Variants in EPHA4 observed in about 807,000 individuals in gnomAD.
EPHA4 encodes EPH receptor A4.
A neutral mutation model predicts 108.3 loss-of-function variants in EPHA4; 19 were observed. The ratio of observed to expected loss-of-function variants is 0.18; its 90% CI spans 0.12 to 0.26. The LOEUF (loss-of-function observed/expected upper bound fraction) is 0.26, where lower values mean the gene tolerates loss of function less well. EPHA4 is among the 10% of genes least tolerant of loss of function. EPHA4 has a pLI of 1.00. For missense variants in EPHA4, 917 were observed against 1,254.0 expected, an observed-to-expected ratio of 0.73 and a Z score of 4.06; for synonymous variants, 449 against 455.5, an observed-to-expected ratio of 0.99 and a Z score of 0.18.
At chr2:221,506,591 T>C (rs1397483422) in intron 3 of EPHA4, among the ~76,000 whole-genome samples, 1 of 152,240 alleles carries the variant, frequency 6.6e-6, no homozygotes, top group Non-Finnish European at 1.5e-5. Flanking sequence ...ATTGGAACTG[T>C]TATTGGACCC....
chr2:221,472,409 C>T (rs934835122), intron 5 of EPHA4, among the ~76,000 whole-genome samples: 33 of 152,030 alleles, frequency 2.2e-4, no homozygotes, highest in African/African-American at 8.0e-4. Flanking sequence ...AAGCTACCCC[C>T]TTTTCAGTGT....
At chr2:221,508,201 T>A (rs764076954) in intron 3 of EPHA4, among the ~76,000 whole-genome samples, 1 of 152,202 alleles carries the variant, frequency 6.6e-6, no homozygotes, top group Non-Finnish European at 1.5e-5. Context: ...AATACCCGGA[T>A]GCTAAAGGGA....
chr2:221,471,346 T>C (rs1237189418), intron 5 of EPHA4, among the ~76,000 whole-genome samples: 3 of 152,138 alleles, frequency 2.0e-5, no homozygotes, highest in African/African-American at 7.2e-5. Flanking sequence ...TCAGCATAAC[T>C]GGCTCCACCC....
At position 221,422,574 on chromosome 2, in the gene EPHA4, G is replaced by A. The variant is rs144663435; in HGVS notation, c.*820-2022C>T. Among the ~76,000 whole-genome samples, 164 of 152,294 alleles carry A rather than the reference G, an allele frequency of 1.1e-3. 1 individual carries two copies. The highest frequency in any genetic ancestry group is 6.8e-3 in the Middle Eastern group (2 of 294). ...ATTGGACATTTGAATTGAGATGTAA[G>A]GGAATGTGAAGACTTGTATCTACTT... On this transcript the variant is annotated intron_variant, in intron 17 of 17. Coordinates refer to ENST00000281821, the MANE Select transcript of EPHA4 (RefSeq NM_004438.5).
At chr2:221,440,849 C>T (rs1390753004) in intron 11 of EPHA4, among the ~76,000 whole-genome samples, 1 of 152,188 alleles carries the variant, frequency 6.6e-6, no homozygotes, top group African/African-American at 2.4e-5. Context: ...AGGTCACAAG[C>T]TTTAGAAGCA....
intron 3 of EPHA4, among the ~76,000 whole-genome samples, chr2:221,552,479 G>A (rs1021208065): frequency 1.3e-5 from 2 of 152,168 alleles, no homozygotes; most frequent in South Asian, 4.1e-4. Context: ...TGGCACCTCT[G>A]TCAAGGGCCT....
intron 3 of EPHA4, among the ~76,000 whole-genome samples, chr2:221,511,955 A>C (rs1372641217): frequency 6.6e-6 from 1 of 152,198 alleles, no homozygotes; most frequent in Admixed American, 6.5e-5. Flanking sequence ...ACAAACTAAT[A>C]CCTAGGGCTC....
intron 3 of EPHA4, among the ~76,000 whole-genome samples, chr2:221,551,725 A>G (rs1014018105): frequency 2.6e-5 from 4 of 152,160 alleles, no homozygotes; most frequent in African/African-American, 9.7e-5. Flanking sequence ...CCTATGGAGG[A>G]AAACTTCCAA....
chr2:221,499,774 T>TTG (rs1388877125), intron 4 of EPHA4, among the ~76,000 whole-genome samples: 2 of 114,236 alleles, frequency 1.8e-5, no homozygotes, highest in African/African-American at 6.9e-5. Context: ...TTTTTTTTTT[T>TTG]GAGACAGAGT....
intron 3 of EPHA4, among the ~76,000 whole-genome samples, chr2:221,539,219 T>G (rs1246035225): frequency 6.6e-6 from 1 of 152,240 alleles, no homozygotes; most frequent in Non-Finnish European, 1.5e-5. Context: ...TTCACGTATT[T>G]ACTTATGACG....
intron 5 of EPHA4, among the ~76,000 whole-genome samples, chr2:221,466,183 C>T (rs976785430): frequency 2.6e-5 from 4 of 152,240 alleles, no homozygotes; most frequent in Non-Finnish European, 5.9e-5. Flanking sequence ...TCGCAAAACA[C>T]TGAGCCAAAA....
chr2:221,491,650 G>T (rs1016168644), intron 4 of EPHA4, among the ~76,000 whole-genome samples: 3 of 152,016 alleles, frequency 2.0e-5, no homozygotes, highest in African/African-American at 4.8e-5. Flanking sequence ...GATGATGATG[G>T]CTAGCTAGTA....
At chr2:221,481,754 G>T (rs1691826923) in intron 5 of EPHA4, among the ~76,000 whole-genome samples, 1 of 152,094 alleles carries the variant, frequency 6.6e-6, no homozygotes, top group South Asian at 2.1e-4. Flanking sequence ...TTCTAGTATA[G>T]GTCCACCTAG....
At chr2:221,453,494 G>A (rs916588637) in intron 8 of EPHA4, among the ~76,000 whole-genome samples, 1 of 151,882 alleles carries the variant, frequency 6.6e-6, no homozygotes, top group Non-Finnish European at 1.5e-5. Context: ...CAAGAAAGAG[G>A]GCCATCTTGA....
intron 3 of EPHA4, among the ~76,000 whole-genome samples, chr2:221,545,289 G>C (rs1299957429): frequency 6.6e-6 from 1 of 152,054 alleles, no homozygotes; most frequent in Non-Finnish European, 1.5e-5. Context: ...CTAACATGGT[G>C]AAACTCCGTC....
chr2:221,523,765 T>C (rs778660257), intron 3 of EPHA4, among the ~76,000 whole-genome samples: 16 of 150,602 alleles, frequency 1.1e-4, no homozygotes, highest in Non-Finnish European at 2.1e-4. Context: ...GGCTAATATT[T>C]TTTGCATTTT....
intron 4 of EPHA4, among the ~76,000 whole-genome samples, chr2:221,487,081 A>T (rs1691999618): frequency 6.6e-6 from 1 of 152,198 alleles, no homozygotes; most frequent in Non-Finnish European, 1.5e-5. Context: ...AGAAAGGGCT[A>T]TATATAAAAT....
rs191107049 is a variant in EPHA4 at position 221,544,287 on chromosome 2, T to A, written c.823+19444A>T. On this transcript the variant is annotated intron_variant, in intron 3 of 17. Coordinates refer to ENST00000281821, the MANE Select transcript of EPHA4 (RefSeq NM_004438.5). ...TGATACAAAGGCTAAGTCTTATAGA[T>A]CTGCCACATATTCACAACCTTTCAT... Among the ~76,000 whole-genome samples the A allele has an allele frequency of 1.4e-3, 218 of 152,316 alleles. 3 individuals carry two copies. Among genetic ancestry groups the A allele is most frequent in the Non-Finnish European group, 2.2e-3 (152 of 68,018 alleles).
In EPHA4 at chr2:221,426,025, G is replaced by A. The variant is rs374978154; in HGVS notation, c.*3C>T. 1.3e-5 allele frequency: 21 copies of A among 1,612,990 alleles called. No homozygotes were observed. The highest frequency in any genetic ancestry group is 1.7e-5 in the Non-Finnish European group (20 of 1,179,162). The stretch of plus-strand genomic sequence containing the variant: ...AAGAGTTTTGAGTTTATTCAGTACT[G>A]GCTCAGACGGGAACCATTCTGCCGT... On this transcript the variant is annotated 3_prime_UTR_variant, in exon 17 of 18. Transcript: ENST00000281821.
Sources: allele counts gnomAD v4.1 joint callset (sites outside exome capture counted in the v4.1 genomes callset), GRCh38; gene constraint gnomAD v4.1.1; transcripts MANE v1.5; gene names NCBI Gene and HGNC (gene_info 2026-07-23, HGNC 2026-07-21).